CSMD1: variants seen among roughly 807,000 people sequenced by gnomAD.
The protein encoded by CSMD1 is CUB and sushi domain-containing protein 1.
In CSMD1, 213 loss-of-function variants were observed where a neutral mutation model predicts 417.5. That is an observed-to-expected ratio of 0.51 (90% confidence interval 0.46 to 0.57). CSMD1 has a LOEUF of 0.57. Among genes scored for constraint, CSMD1 ranks in the 20% least tolerant of loss-of-function variants. The pLI, the probability that CSMD1 is intolerant of heterozygous loss-of-function variation, is 0.00. For synonymous variants in CSMD1, 2,862 were observed against 1,736.8 expected (o/e 1.65, Z -16.11); for missense variants, 6,923 against 4,529.7 (o/e 1.53, Z -15.17).
Position 2,966,632 on chromosome 8 carries a change from C to G in CSMD1, c.9038G>C (p.Gly3013Ala), listed in dbSNP as rs569667053. Reference protein sequence around the residue: ...YACWEGYKTSGLMTRHCTANG... With the variant: ...YACWEGYKTSALMTRHCTANG... ...GGCTGTGCAATGCCGTGTCATGAGC[C>G]CTGAGGTCTTGTAGCCTTCCCAGCA... The change falls in exon 58 of 70, where the codon GGG becomes GCG. Residue 3013 changes from glycine (G) to alanine (A), a missense_variant. By Grantham distance (60) the Gly-to-Ala change is moderately conservative. Transcript: ENST00000635120. The G allele has an allele frequency of 6.2e-7, 1 of 1,613,732 alleles. No homozygotes were observed. The highest frequency in any genetic ancestry group is 8.5e-7 in the Non-Finnish European group (1 of 1,179,788).
chr8:3,258,677 C>G (rs1005809405), intron 26 of CSMD1, among the ~76,000 whole-genome samples: 33 of 152,070 alleles, frequency 2.2e-4, no homozygotes, highest in African/African-American at 7.7e-4. Flanking sequence ...CACAGCAAAG[C>G]CATGGAAGCA....
intron 5 of CSMD1, among the ~76,000 whole-genome samples, chr8:3,876,402 A>G (rs1403455587): frequency 6.6e-6 from 1 of 152,172 alleles, no homozygotes; most frequent in Non-Finnish European, 1.5e-5. Context: ...CTGTATTTCT[A>G]AAGAATTCTG....
intron 1 of CSMD1, among the ~76,000 whole-genome samples, chr8:4,741,121 C>G (rs1398944994): frequency 6.6e-6 from 1 of 152,140 alleles, no homozygotes; most frequent in Non-Finnish European, 1.5e-5. Context: ...AGTATCTCCT[C>G]TTTTCCAGAG....
chr8:3,912,631 G>T (rs1228879585), intron 5 of CSMD1, among the ~76,000 whole-genome samples: 2 of 152,152 alleles, frequency 1.3e-5, no homozygotes. Context: ...TGCACCCAGT[G>T]TTTACAAGCG....
chr8:3,290,486 A>AT, intron 25 of CSMD1, among the ~76,000 whole-genome samples: 1 of 64,612 alleles, frequency 1.5e-5, no homozygotes, highest in Non-Finnish European at 3.7e-5. Context: ...ATTTGTTTGT[A>AT]TCCTTTTATT....
intron 3 of CSMD1, among the ~76,000 whole-genome samples, chr8:4,210,464 T>G (rs1006769896): frequency 1.2e-4 from 18 of 152,230 alleles, no homozygotes; most frequent in African/African-American, 3.9e-4. Context: ...GTTTCTAACT[T>G]TGAACTGCAA....
At chr8:3,754,828 A>G (rs956236600) in intron 5 of CSMD1, among the ~76,000 whole-genome samples, 4 of 152,170 alleles carry the variant, frequency 2.6e-5, no homozygotes, top group African/African-American at 4.8e-5. Context: ...AACAAGCTAT[A>G]TTCCCAGCAT....
intron 12 of CSMD1, among the ~76,000 whole-genome samples, chr8:3,454,167 A>G (rs12675342): frequency 0.023 from 3,496 of 152,214 alleles, 239 homozygotes; most frequent in East Asian, 0.2. Flanking sequence ...TTTGCTTGGT[A>G]GATCTTTCTC....
chr8:4,959,226 G>T (rs6985569), intron 1 of CSMD1, among the ~76,000 whole-genome samples: 1 of 152,036 alleles, frequency 6.6e-6, no homozygotes, highest in Non-Finnish European at 1.5e-5. Context: ...AGCGGTGCTT[G>T]TTATGTATTT....
chr8:4,189,799 G>A (rs1047420228), intron 3 of CSMD1, among the ~76,000 whole-genome samples: 8 of 152,182 alleles, frequency 5.3e-5, no homozygotes, highest in African/African-American at 1.9e-4. Flanking sequence ...TTATCTTGTT[G>A]CCATATATTA....
chr8:4,618,595 T>C (rs1801608035), intron 2 of CSMD1, among the ~76,000 whole-genome samples: 1 of 152,116 alleles, frequency 6.6e-6, no homozygotes, highest in African/African-American at 2.4e-5. Context: ...AAATGAAGGC[T>C]TTTGATGTTT....
At chr8:4,490,519 C>G (rs1438853193) in intron 2 of CSMD1, among the ~76,000 whole-genome samples, 4 of 152,126 alleles carry the variant, frequency 2.6e-5, no homozygotes, top group Admixed American at 2.0e-4. Context: ...TTTTTAAACA[C>G]CAGCCACGTT....
chr8:4,303,420 C>CTTTTTTTTTTTTTTTTTTTT lies in CSMD1; in HGVS notation c.415+116532_415+116533insAAAAAAAAAAAAAAAAAAAA, dbSNP rs1563419612. Among the ~76,000 whole-genome samples the CTTTTTTTTTTTTTTTTTTTT allele has an allele frequency of 8.7e-5, 8 of 92,318 alleles. 2 individuals carry two copies. Among genetic ancestry groups the CTTTTTTTTTTTTTTTTTTTT allele is most frequent in the Non-Finnish European group, 6.2e-5 (3 of 48,478 alleles). 60.6% of individuals were successfully genotyped at this position (92,318 alleles called of 152,430 possible). The stretch of plus-strand genomic sequence containing the variant: ...TCTCATTTATATATTGGGCAGGAAG[C>CTTTTTTTTTTTTTTTTTTTT]TGTTTTTTTTTTTTTTTTTTTTTTT... On this transcript the variant is annotated intron_variant, in intron 3 of 69. Transcript: ENST00000635120.
intron 11 of CSMD1, among the ~76,000 whole-genome samples, chr8:3,470,970 G>C (rs1173528412): frequency 6.6e-6 from 1 of 151,872 alleles, no homozygotes; most frequent in Non-Finnish European, 1.5e-5. Flanking sequence ...GACACCTAAA[G>C]CTGCTTTGAA....
At chr8:3,850,143 G>A (rs1049834593) in intron 5 of CSMD1, among the ~76,000 whole-genome samples, 3 of 152,172 alleles carry the variant, frequency 2.0e-5, no homozygotes, top group Admixed American at 1.3e-4. Context: ...CATTCTTAGG[G>A]CATATCCCTT....
chr8:3,174,944 C>T lies in CSMD1; in HGVS notation c.5725+6166G>A, dbSNP rs1013189155. ...TTTTTTGAGTGAGATCTTATTTGTT[C>T]ATGACATATTTTTTCACTATATAGC... On this transcript the variant is annotated intron_variant, in intron 37 of 69. Coordinates refer to ENST00000635120, the MANE Select transcript of CSMD1 (RefSeq NM_033225.6). Among the ~76,000 whole-genome samples the T allele has an allele frequency of 3.9e-5, 6 of 152,050 alleles. No homozygotes were observed. In the South Asian group the frequency reaches 6.2e-4, roughly 16 times the overall value.
intron 11 of CSMD1, among the ~76,000 whole-genome samples, chr8:3,475,773 G>T (rs1420459120): frequency 1.3e-5 from 2 of 152,220 alleles, no homozygotes; most frequent in African/African-American, 4.8e-5. Flanking sequence ...AACCCAAAAT[G>T]AAGGAAATGA....
At chr8:4,486,198 TAC>T (rs1308533427) in intron 2 of CSMD1, among the ~76,000 whole-genome samples, 89 of 8,800 alleles carry the variant, frequency 0.01, 1 homozygote, top group East Asian at 0.041. Context: ...TATATATATA[TAC>T]ATACATATAT....
At chr8:3,577,421 A>T (rs1585397947) in intron 9 of CSMD1, among the ~76,000 whole-genome samples, 1 of 152,236 alleles carries the variant, frequency 6.6e-6, no homozygotes, top group East Asian at 1.9e-4. Context: ...TTTAATTTAG[A>T]AATCTCTGTC....
Sources: gnomAD v4.1 joint callset for allele counts (sites outside exome capture counted in the v4.1 genomes callset) on GRCh38, gnomAD v4.1.1 for gene constraint, MANE v1.5 for transcripts, NCBI Gene and HGNC (gene_info 2026-07-23, HGNC 2026-07-21) for gene names.